The following GLDN variants were observed in gnomAD, a reference collection of about 807,000 sequenced individuals.
GLDN encodes the protein gliomedin, also known as collomin.
Under a neutral mutation model 56.5 loss-of-function variants are expected in GLDN, and 47 were observed. The ratio of observed to expected loss-of-function variants is 0.83; its 90% CI spans 0.66 to 1.06. The LOEUF is 1.06. Among genes scored for constraint, GLDN ranks in the 50% least tolerant of loss-of-function variants. GLDN has a pLI of 0.00. For missense variants in GLDN, 782 were observed against 714.3 expected (o/e 1.09, Z -1.08); for synonymous variants, 332 against 278.8 (o/e 1.19, Z -1.90).
chr15:51,370,222 T>C (rs1016104473), intron 1 of GLDN, among the ~76,000 whole-genome samples: 26 of 152,292 alleles, frequency 1.7e-4, no homozygotes, highest in Admixed American at 1.2e-3. Context: ...GGGCATCAGC[T>C]TTCTCATCCC....
At chr15:51,361,314 C>T (rs947427868) in intron 1 of GLDN, among the ~76,000 whole-genome samples, 26 of 152,154 alleles carry the variant, frequency 1.7e-4, no homozygotes, top group Admixed American at 1.2e-3. Context: ...TTAAATATGT[C>T]TCATGGTTTT....
At position 51,406,594 on chromosome 15, in the gene GLDN, G is replaced by T. The variant is rs2038388870; in HGVS notation, c.*1840G>T. The T allele has an allele frequency of 6.6e-6, 1 of 152,130 alleles. No individual in the cohort carries two copies. Among genetic ancestry groups the T allele is most frequent in the African/African-American group, 2.4e-5 (1 of 41,406 alleles). 9.4% of individuals were successfully genotyped at this position (152,130 alleles called of 1,614,324 possible). A position where few individuals can be genotyped will look rare whatever the true frequency, so the allele number is the denominator to read the frequency against. ...GGCAGGGATGGGAGGATCACTTGAG[G>T]CCAGGATCTCAGGACCAGCCTAGAG... On this transcript the variant is annotated 3_prime_UTR_variant, in exon 10 of 10. Transcript: ENST00000335449.
chr15:51,354,691 G>A (rs922542135), intron 1 of GLDN, among the ~76,000 whole-genome samples: 2 of 152,206 alleles, frequency 1.3e-5, no homozygotes, highest in Non-Finnish European at 2.9e-5. Context: ...TTGGAGTAGG[G>A]AGAAGGGAAC....
intron 4 of GLDN, among the ~76,000 whole-genome samples, chr15:51,392,707 G>A (rs2445745): frequency 0.59 from 86,756 of 146,948 alleles, 25,288 homozygotes; most frequent in Non-Finnish European, 0.65. Flanking sequence ...GCATTTGGGT[G>A]TGAACTGTGG....
intron 1 of GLDN, among the ~76,000 whole-genome samples, chr15:51,353,871 G>A (rs1434129157): frequency 6.6e-6 from 1 of 151,828 alleles, no homozygotes; most frequent in Non-Finnish European, 1.5e-5. Context: ...TAATTTACAT[G>A]CATTTTATCT....
intron 1 of GLDN, among the ~76,000 whole-genome samples, chr15:51,349,713 C>T (rs2037040201): frequency 6.6e-6 from 1 of 151,128 alleles, no homozygotes; most frequent in Non-Finnish European, 1.5e-5. Context: ...CCACTTACAT[C>T]GTAATTCCCT....
At chr15:51,383,486 AG>A in intron 3 of GLDN, 33 bp downstream of exon 3, 2 of 1,612,642 alleles carry the variant, frequency 1.2e-6, no homozygotes, top group Non-Finnish European at 8.5e-7. Flanking sequence ...GTTCAAGGGG[AG>A]GCTGTGGGTG....
chr15:51,397,451 TC>T lies in GLDN; in HGVS notation c.689-18del, dbSNP rs2038155783. The T allele has an allele frequency of 4.2e-6, 4 of 949,082 alleles. No individual in the cohort carries two copies. In the East Asian group the frequency reaches 1.3e-4, roughly 31 times the overall value. 58.8% of individuals were successfully genotyped at this position (949,082 alleles called of 1,614,324 possible). ...TACCTCTTGCCTCCTTCTCTCCCTT[TC>T]TCTCTCTCTCTCTCCAGGTGCCAAA... On this transcript the variant is annotated intron_variant, in intron 5 of 9. Coordinates refer to ENST00000335449, the MANE Select transcript of GLDN (RefSeq NM_181789.4).
At chr15:51,392,572 T>TC (rs1265410389) in intron 4 of GLDN, among the ~76,000 whole-genome samples, 1 of 152,178 alleles carries the variant, frequency 6.6e-6, no homozygotes, top group African/African-American at 2.4e-5. Context: ...ATTTGAATCA[T>TC]CCCCAAACCA....
At chr15:51,401,441 C>T (rs2038247178) in intron 8 of GLDN, 152 bp from the exon 9 acceptor site, 2 of 673,824 alleles carry the variant, frequency 3.0e-6, no homozygotes. Context: ...GGACTTTGAG[C>T]TTGGGAGTCT....
intron 1 of GLDN, among the ~76,000 whole-genome samples, chr15:51,353,742 C>A (rs1430487042): frequency 3.5e-4 from 37 of 105,552 alleles, no homozygotes; most frequent in East Asian, 8.7e-4. Context: ...AAACCACAGT[C>A]AATTAAAAAA....
chr15:51,396,757 C>T (rs2038137636), intron 5 of GLDN, among the ~76,000 whole-genome samples: 1 of 152,142 alleles, frequency 6.6e-6, no homozygotes, highest in East Asian at 1.9e-4. Flanking sequence ...TCCATCCATT[C>T]AGACTTGATT....
Position 51,404,429 on chromosome 15 carries a change from G to C in GLDN, c.1331G>C (p.Gly444Ala). The C allele has an allele frequency of 6.2e-7, 1 of 1,614,110 alleles. No individual in the cohort carries two copies. Among genetic ancestry groups the C allele is most frequent in the Non-Finnish European group, 8.5e-7 (1 of 1,180,026 alleles). Residue 444 changes from glycine to alanine, a missense_variant, in exon 10 of 10, where the codon GGC becomes GCC. Physicochemically the swap from Gly to Ala is moderately conservative, Grantham distance 60. Transcript: ENST00000335449. ...LWIIYASSVD[G>A]SSILVAQLDE... ...ATTATCTATGCGTCAAGTGTGGACGGCTCGAGCATTCTTGTAGCACAACTG... is the reference window on the plus strand; with the variant it reads ...ATTATCTATGCGTCAAGTGTGGACGCCTCGAGCATTCTTGTAGCACAACTG...
Position 51,404,596 on chromosome 15 carries a change from G to A in GLDN, c.1498G>A (p.Gly500Arg). ...MRVTFAFDLLGGKQINANFDL... is the reference protein window; with the variant it reads ...MRVTFAFDLLRGKQINANFDL... ...GGTCACATTTGCCTTTGATTTGTTA[G>A]GAGGGAAACAGATCAATGCAAACTT... The change falls in exon 10 of 10, where the codon GGA becomes AGA. Residue 500 changes from glycine to arginine, a missense_variant. Physicochemically the swap from Gly to Arg is moderately radical, Grantham distance 125. Coordinates refer to ENST00000335449, the MANE Select transcript of GLDN (RefSeq NM_181789.4). 1.2e-6 allele frequency: 2 copies of A among 1,614,126 alleles called. No individual in the cohort carries two copies. The highest frequency in any genetic ancestry group is 1.6e-4 in the Middle Eastern group (1 of 6,062).
intron 1 of GLDN, among the ~76,000 whole-genome samples, chr15:51,361,281 T>A (rs2037295343): frequency 6.6e-6 from 1 of 152,252 alleles, no homozygotes; most frequent in Non-Finnish European, 1.5e-5. Context: ...CTCTAATTTG[T>A]CACCTTTAGT....
intron 2 of GLDN, among the ~76,000 whole-genome samples, chr15:51,381,378 T>G (rs949930393): frequency 3.3e-5 from 5 of 152,152 alleles, no homozygotes; most frequent in African/African-American, 7.2e-5. Context: ...TGACCTCTGT[T>G]AACTGGCCAC....
chr15:51,373,569 C>T (rs929100845), intron 1 of GLDN, among the ~76,000 whole-genome samples: 2 of 152,246 alleles, frequency 1.3e-5, no homozygotes, highest in African/African-American at 4.8e-5. Flanking sequence ...GCTGTCTGGG[C>T]TCCCTTCAGT....
intron 1 of GLDN, among the ~76,000 whole-genome samples, chr15:51,355,692 C>T (rs562359203): frequency 1.4e-3 from 218 of 150,450 alleles, no homozygotes; most frequent in African/African-American, 3.9e-3. Flanking sequence ...CCCGGCTAAT[C>T]TTTTGTATTT....
chr15:51,353,080 ACT>A (rs1248030408), intron 1 of GLDN, among the ~76,000 whole-genome samples: 1 of 152,094 alleles, frequency 6.6e-6, no homozygotes, highest in Non-Finnish European at 1.5e-5. Flanking sequence ...TATTTTTTAG[ACT>A]CTGCATTCTG....
Sources: gnomAD v4.1 joint callset for allele counts (sites outside exome capture counted in the v4.1 genomes callset) on GRCh38, gnomAD v4.1.1 for gene constraint, MANE v1.5 for transcripts, NCBI Gene and HGNC (gene_info 2026-07-23, HGNC 2026-07-21) for gene names.